The following PXDNL variants were observed in gnomAD, a reference collection of about 807,000 sequenced individuals.
The protein encoded by PXDNL is probable oxidoreductase PXDNL.
A neutral mutation model predicts 150.8 loss-of-function variants in PXDNL; 145 were observed. The observed-to-expected ratio is 0.96, with a 90% CI of 0.84 to 1.10. The LOEUF is 1.10. PXDNL is among the 50% of genes least tolerant of loss of function. The pLI, the probability that PXDNL is intolerant of heterozygous loss-of-function variation, is 0.00. For synonymous variants in PXDNL, 757 were observed against 725.7 expected (o/e 1.04, Z -0.69); for missense variants, 2,087 against 1,873.9 (o/e 1.11, Z -2.10).
intron 3 of PXDNL, among the ~76,000 whole-genome samples, chr8:51,591,521 G>GCTCTGTAAAGATGT (rs777647694): frequency 6.6e-6 from 1 of 152,164 alleles, no homozygotes. Flanking sequence ...CTAAAGATTG[G>GCTCTGTAAAGATGT]AATGGTGTCT....
intron 17 of PXDNL, 100 bp from the exon 18 acceptor site, chr8:51,374,831 A>G: frequency 7.3e-7 from 1 of 1,363,360 alleles, no homozygotes; most frequent in Non-Finnish European, 1.0e-6. Context: ...TATCCACACA[A>G]AAAAAGAAAA....
At chr8:51,681,288 G>C (rs1206153844) in intron 1 of PXDNL, among the ~76,000 whole-genome samples, 1 of 151,994 alleles carries the variant, frequency 6.6e-6, no homozygotes, top group Non-Finnish European at 1.5e-5. Flanking sequence ...CCCCATAAGA[G>C]AACTGCTCTT....
intron 4 of PXDNL, among the ~76,000 whole-genome samples, chr8:51,509,755 C>CGT (rs1563444225): frequency 1.4e-5 from 2 of 141,354 alleles, no homozygotes; most frequent in African/African-American, 2.6e-5. Flanking sequence ...CACACACACA[C>CGT]ACACACACAC....
chr8:51,508,127 G>A (rs962232092), intron 4 of PXDNL, among the ~76,000 whole-genome samples: 5 of 152,170 alleles, frequency 3.3e-5, no homozygotes, highest in Non-Finnish European at 7.4e-5. Context: ...AAGGGCTATT[G>A]GAAGATGTTA....
At chr8:51,762,736 C>A (rs569013274) in intron 1 of PXDNL, among the ~76,000 whole-genome samples, 63 of 152,292 alleles carry the variant, frequency 4.1e-4, no homozygotes, top group Non-Finnish European at 6.8e-4. Context: ...CCCCGACCAC[C>A]TTGGGCACAT....
chr8:51,650,713 C>T (rs879111802), intron 2 of PXDNL, among the ~76,000 whole-genome samples: 1 of 152,166 alleles, frequency 6.6e-6, no homozygotes, highest in Admixed American at 6.5e-5. Flanking sequence ...ATAAATTAGT[C>T]TATTAGCCAC....
At chr8:51,325,227 C>T (rs1055081121) in intron 21 of PXDNL, among the ~76,000 whole-genome samples, 11 of 152,140 alleles carry the variant, frequency 7.2e-5, no homozygotes, top group African/African-American at 2.7e-4. Flanking sequence ...TGTTGATTGC[C>T]TGTTTTCATT....
intron 2 of PXDNL, among the ~76,000 whole-genome samples, chr8:51,645,949 G>A (rs1814910177): frequency 6.6e-6 from 1 of 152,066 alleles, no homozygotes. Flanking sequence ...GCTGAGCTGT[G>A]AGGCATTGCA....
At chr8:51,758,808 G>T (rs1008394471) in intron 1 of PXDNL, among the ~76,000 whole-genome samples, 1 of 152,068 alleles carries the variant, frequency 6.6e-6, no homozygotes, top group Non-Finnish European at 1.5e-5. Context: ...TCTCAGGCAG[G>T]TCTCTACAGA....
At chr8:51,727,300 C>T (rs1392219196) in intron 1 of PXDNL, among the ~76,000 whole-genome samples, 1 of 152,152 alleles carries the variant, frequency 6.6e-6, no homozygotes, top group Non-Finnish European at 1.5e-5. Flanking sequence ...TTTACAATTA[C>T]ATACACTCAA....
chr8:51,627,110 C>T (rs1814378108), intron 2 of PXDNL, among the ~76,000 whole-genome samples: 1 of 152,096 alleles, frequency 6.6e-6, no homozygotes, highest in African/African-American at 2.4e-5. Flanking sequence ...GGTATATTTT[C>T]CTGAAACAAA....
At chr8:51,497,476 C>T (rs1232237682) in intron 5 of PXDNL, among the ~76,000 whole-genome samples, 1 of 152,174 alleles carries the variant, frequency 6.6e-6, no homozygotes, top group Non-Finnish European at 1.5e-5. Flanking sequence ...GCAAAAGAAA[C>T]TACCATCAGA....
intron 1 of PXDNL, among the ~76,000 whole-genome samples, chr8:51,801,369 C>T (rs986204228): frequency 1.3e-5 from 2 of 152,102 alleles, no homozygotes; most frequent in African/African-American, 4.8e-5. Flanking sequence ...GAACATAGAC[C>T]TTCATCAGTA....
chr8:51,745,758 A>AT (rs35918137), intron 1 of PXDNL, among the ~76,000 whole-genome samples: 120,987 of 139,258 alleles, frequency 0.87, 53,405 homozygotes, highest in Non-Finnish European at 0.95. Flanking sequence ...CACCACTACC[A>AT]TTTTTTTTTT....
At chr8:51,516,922 A>C (rs1021526688) in intron 4 of PXDNL, among the ~76,000 whole-genome samples, 1 of 152,222 alleles carries the variant, frequency 6.6e-6, no homozygotes, top group Non-Finnish European at 1.5e-5. Flanking sequence ...ATAGAGCTTG[A>C]CACTATTAAT....
At chr8:51,454,218 C>T (rs1471801057) in intron 9 of PXDNL, among the ~76,000 whole-genome samples, 1 of 152,132 alleles carries the variant, frequency 6.6e-6, no homozygotes, top group Non-Finnish European at 1.5e-5. Flanking sequence ...GGCAGGAATG[C>T]CTTTGGGTTA....
chr8:51,411,354 G>A lies in PXDNL; in HGVS notation c.1958C>T (p.Pro653Leu), dbSNP rs1490314680. 2 of 1,582,160 alleles carry A rather than the reference G, an allele frequency of 1.3e-6. No homozygotes were observed. Among genetic ancestry groups the A allele is most frequent in the East Asian group, 2.3e-5 (1 of 42,852 alleles). ...LLAQFHYPRD[P>L]LIVEMARAGE... ...TGCTCTTGCCATTTCCACAATCAGT[G>A]GGTCACGCGGGTAATGAAATTGAGC... is the stretch of plus-strand genomic sequence containing the variant. The change falls in exon 16 of 23, where the codon CCA becomes CTA. Residue 653 changes from proline to leucine, a missense_variant. Transcript: ENST00000356297.
rs548216986 is a variant in PXDNL at position 51,576,329 on chromosome 8, A to G, written c.308+16298T>C. 3.1e-4 allele frequency among the ~76,000 whole-genome samples: 47 copies of G among 152,096 alleles called. 1 individual carries two copies. Among genetic ancestry groups the G allele is most frequent in the African/African-American group, 1.1e-3 (46 of 41,560 alleles). On this transcript the variant is annotated intron_variant, in intron 3 of 22. Coordinates refer to ENST00000356297, the MANE Select transcript of PXDNL (RefSeq NM_144651.5). ...ACAATTTAAAATATTGAAATCATAC[A>G]GAGTATATTTCCTGAACACACACAA...
At chr8:51,441,661 CAGAT>C (rs200405451) in intron 12 of PXDNL, among the ~76,000 whole-genome samples, 2,004 of 152,290 alleles carry the variant, frequency 0.013, 29 homozygotes, top group Non-Finnish European at 0.015. Flanking sequence ...TACTGGTACA[CAGAT>C]AGATCACTGT....
Sources: allele counts gnomAD v4.1 joint callset (sites outside exome capture counted in the v4.1 genomes callset), GRCh38; gene constraint gnomAD v4.1.1; transcripts MANE v1.5; gene names NCBI Gene and HGNC (gene_info 2026-07-23, HGNC 2026-07-21).